The following COL22A1 variants were observed in gnomAD, a reference collection of about 807,000 sequenced individuals.
COL22A1 encodes collagen type XXII alpha 1 chain.
COL22A1 carries 221 observed loss-of-function variants against 248.9 expected under a neutral mutation model. The observed-to-expected ratio is 0.89, with a 90% confidence interval of 0.80 to 0.99. The LOEUF is 0.99. Among genes scored for constraint, COL22A1 ranks in the 50% least tolerant of loss-of-function variants. The pLI is 0.00. For missense variants in COL22A1, 2,240 were observed against 2,179.0 expected (o/e 1.03, Z -0.56); for synonymous variants, 891 against 793.4 (o/e 1.12, Z -2.07).
At chr8:138,717,633 A>T (rs1435040399) in intron 27 of COL22A1, among the ~76,000 whole-genome samples, 3 of 151,274 alleles carry the variant, frequency 2.0e-5, no homozygotes, top group Non-Finnish European at 4.4e-5. Context: ...ACAAATGATT[A>T]AAAAAAAATT....
At position 138,598,712 on chromosome 8, in the gene COL22A1, T is replaced by C. The variant is rs184823302; in HGVS notation, c.4365+7A>G. ...CCCCGAGTCCAAAGCCATATTAGCA[T>C]CCTTACCCTCAGTCCTGGAAATCCC... On this transcript the variant is annotated splice_region_variant and intron_variant, in intron 61 of 64. Coordinates refer to ENST00000303045, the MANE Select transcript of COL22A1 (RefSeq NM_152888.3). 4.4e-4 allele frequency: 707 copies of C among 1,611,972 alleles called. 8 individuals are homozygous for C. The African/African-American group carries it at 8.3e-3, about 19-fold the overall frequency.
chr8:138,719,870 G>A (rs1829738615), intron 27 of COL22A1, among the ~76,000 whole-genome samples: 1 of 152,232 alleles, frequency 6.6e-6, no homozygotes, highest in Non-Finnish European at 1.5e-5. Context: ...GGTTTCAGTA[G>A]CTCATACCCC....
At chr8:138,705,947 C>G (rs559010292) in intron 30 of COL22A1, among the ~76,000 whole-genome samples, 1 of 151,932 alleles carries the variant, frequency 6.6e-6, no homozygotes, top group African/African-American at 2.4e-5. Flanking sequence ...ATCTACCAAG[C>G]AAATGGAAAG....
At chr8:138,770,278 C>A (rs1834252595) in intron 16 of COL22A1, among the ~76,000 whole-genome samples, 1 of 152,210 alleles carries the variant, frequency 6.6e-6, no homozygotes, top group Non-Finnish European at 1.5e-5. Context: ...CCTCAACGCC[C>A]AGTGCTTGGC....
intron 53 of COL22A1, 92 bp from the exon 54 acceptor site, chr8:138,617,050 T>C (rs1819392241): frequency 9.8e-6 from 13 of 1,321,252 alleles, no homozygotes; most frequent in Non-Finnish European, 1.4e-5. Flanking sequence ...TTGACCCACG[T>C]TGCCCCCGCT....
At position 138,755,257 on chromosome 8, in the gene COL22A1, T is replaced by C. The variant is rs28755946; in HGVS notation, c.1978-47A>G. The C allele has an allele frequency of 1.7e-3, 2,762 of 1,581,072 alleles. 47 individuals are homozygous for C. In the African/African-American group the frequency reaches 0.032, roughly 18 times the overall value. ...ATGTTTAGTCATGACTTTTCCCCCA[T>C]ATGATCAGGCCCACCATCACCCATG... On this transcript the variant is annotated intron_variant, in intron 20 of 64. Coordinates refer to ENST00000303045, the MANE Select transcript of COL22A1 (RefSeq NM_152888.3).
intron 3 of COL22A1, 149 bp from the exon 4 acceptor site, chr8:138,844,307 C>A: frequency 2.8e-6 from 2 of 713,128 alleles, no homozygotes; most frequent in East Asian, 2.5e-5. Flanking sequence ...CTGGCATCTC[C>A]GCACTCACTC....
chr8:138,707,124 C>A (rs1332236698), intron 30 of COL22A1, among the ~76,000 whole-genome samples: 1 of 152,138 alleles, frequency 6.6e-6, no homozygotes. Context: ...ATAACAGGCT[C>A]TGAAATTGAG....
intron 16 of COL22A1, 84 bp from the exon 17 acceptor site, chr8:138,762,550 T>A: frequency 7.5e-7 from 1 of 1,330,104 alleles, no homozygotes; most frequent in Non-Finnish European, 1.1e-6. Context: ...GTGACCGTCA[T>A]GGACAAGGAG....
intron 12 of COL22A1, among the ~76,000 whole-genome samples, chr8:138,791,490 G>A (rs964140269): frequency 5.3e-5 from 8 of 152,154 alleles, no homozygotes; most frequent in African/African-American, 7.2e-5. Flanking sequence ...ATTTTCAAAC[G>A]GGACAGTGTA....
Position 138,607,928 on chromosome 8 carries a change from G to T in COL22A1, c.4032+8C>A. On this transcript the variant is annotated splice_region_variant and intron_variant, in intron 57 of 64. Transcript: ENST00000303045. ...GATGCCATCACATAGCAGCCAAAGA[G>T]AACTCACAGGGGTTCCTGAAGGGCC... 6.2e-7 allele frequency: 1 copy of T among 1,613,786 alleles called. No homozygotes were observed. The highest frequency in any genetic ancestry group is 8.5e-7 in the Non-Finnish European group (1 of 1,179,818).
intron 3 of COL22A1, among the ~76,000 whole-genome samples, chr8:138,874,388 CATGTATCAGATCCCTTTCCTTG>C (rs1266153935): frequency 6.6e-6 from 1 of 152,208 alleles, no homozygotes; most frequent in African/African-American, 2.4e-5. Flanking sequence ...GGTTTTCCTT[CATGTATCAGATCCCTTTCCTTG>C]AGGGAGCTGG....
intron 40 of COL22A1, among the ~76,000 whole-genome samples, chr8:138,679,073 C>CA (rs1268863835): frequency 6.6e-6 from 1 of 152,108 alleles, no homozygotes; most frequent in Non-Finnish European, 1.5e-5. Context: ...TGAACCACCA[C>CA]ACCTGCCTAA....
At chr8:138,613,035 T>C (rs1285674627) in intron 56 of COL22A1, among the ~76,000 whole-genome samples, 1 of 145,340 alleles carries the variant, frequency 6.9e-6, no homozygotes, top group Non-Finnish European at 1.5e-5. Flanking sequence ...GATTATGAGG[T>C]CAGGAGATAG....
chr8:138,899,734 G>A (rs945474735), intron 1 of COL22A1, among the ~76,000 whole-genome samples: 3 of 152,022 alleles, frequency 2.0e-5, no homozygotes, highest in African/African-American at 7.3e-5. Flanking sequence ...ATGTTGGCCA[G>A]GCTGGTCTTA....
intron 40 of COL22A1, among the ~76,000 whole-genome samples, chr8:138,677,808 G>T (rs1825681427): frequency 6.6e-6 from 1 of 152,234 alleles, no homozygotes. Flanking sequence ...CCATGATCCT[G>T]AGCTTATTCA....
intron 1 of COL22A1, 119 bp from the exon 2 acceptor site, chr8:138,883,363 C>A (rs553245276): frequency 3.3e-6 from 2 of 598,618 alleles, no homozygotes; most frequent in Admixed American, 3.0e-5. Flanking sequence ...TCTTCCCTCC[C>A]GGATTCAACT....
At chr8:138,894,120 G>A (rs1196716470) in intron 1 of COL22A1, among the ~76,000 whole-genome samples, 1 of 152,200 alleles carries the variant, frequency 6.6e-6, no homozygotes, top group Admixed American at 6.5e-5. Context: ...GGAATTCATG[G>A]GGAGGAAGGC....
At chr8:138,755,046 A>G (rs1241138281) in intron 21 of COL22A1, 111 bp downstream of exon 21, 4 of 1,073,580 alleles carry the variant, frequency 3.7e-6, no homozygotes, top group Admixed American at 1.9e-5. Context: ...AGGTGATGTG[A>G]AGGCGCTTGA....
Sources: allele counts gnomAD v4.1 joint callset (sites outside exome capture counted in the v4.1 genomes callset), GRCh38; gene constraint gnomAD v4.1.1; transcripts MANE v1.5; gene names NCBI Gene and HGNC (gene_info 2026-07-23, HGNC 2026-07-21).